Variants in ALX4 observed in about 807,000 individuals in gnomAD.
ALX4 encodes the protein homeobox protein aristaless-like 4.
Under a neutral mutation model 40.6 loss-of-function variants are expected in ALX4, and 22 were observed. The ratio of observed to expected loss-of-function variants is 0.54; its 90% confidence interval spans 0.39 to 0.77. The LOEUF (loss-of-function observed/expected upper bound fraction) is 0.77, where lower values mean the gene tolerates loss of function less well. Among genes scored for constraint, ALX4 ranks in the 30% least tolerant of loss-of-function variants. ALX4 has a pLI of 0.00. For synonymous variants in ALX4, 266 were observed against 240.5 expected (o/e 1.11, Z -0.98); for missense variants, 556 against 564.8 (o/e 0.98, Z 0.16).
At chr11:44,274,490 T>C (rs1290661755) in intron 2 of ALX4, among the ~76,000 whole-genome samples, 1 of 151,948 alleles carries the variant, frequency 6.6e-6, no homozygotes, top group Non-Finnish European at 1.5e-5. Flanking sequence ...TCAGGTTCCA[T>C]TGTGTTGTGT....
At chr11:44,267,391 G>C in intron 3 of ALX4, 103 bp downstream of exon 3, 2 of 1,492,398 alleles carry the variant, frequency 1.3e-6, no homozygotes, top group Middle Eastern at 2.3e-4. Flanking sequence ...GGGCAGCCTG[G>C]AGCCATAAGT....
At chr11:44,269,865 C>T (rs965074985) in intron 2 of ALX4, among the ~76,000 whole-genome samples, 3 of 152,200 alleles carry the variant, frequency 2.0e-5, no homozygotes, top group South Asian at 2.1e-4. Context: ...TCCGTCTTTC[C>T]GCTCCTTCCT....
chr11:44,283,310 GA>G (rs536437837), intron 1 of ALX4, among the ~76,000 whole-genome samples: 42 of 148,342 alleles, frequency 2.8e-4, no homozygotes, highest in African/African-American at 9.9e-4. Context: ...TAACTAAAAA[GA>G]AAATACAAAA....
At chr11:44,304,289 G>C (rs382987) in intron 1 of ALX4, among the ~76,000 whole-genome samples, 1 of 152,228 alleles carries the variant, frequency 6.6e-6, no homozygotes, top group African/African-American at 2.4e-5. Context: ...GGTGCAGGAC[G>C]GCGCTCTTAC....
intron 1 of ALX4, among the ~76,000 whole-genome samples, chr11:44,285,925 G>A (rs920951614): frequency 6.6e-6 from 1 of 152,164 alleles, no homozygotes; most frequent in Non-Finnish European, 1.5e-5. Context: ...CCTGGGCCTC[G>A]TGTGAGTAAG....
intron 1 of ALX4, among the ~76,000 whole-genome samples, chr11:44,288,688 C>T (rs2119845183): frequency 6.6e-6 from 1 of 152,304 alleles, no homozygotes; most frequent in Non-Finnish European, 1.5e-5. Context: ...CACTGTGACC[C>T]AATTAGAACA....
chr11:44,300,359 G>A (rs1956428026), intron 1 of ALX4, among the ~76,000 whole-genome samples: 1 of 152,182 alleles, frequency 6.6e-6, no homozygotes, highest in Non-Finnish European at 1.5e-5. Context: ...ATTTGAAAGT[G>A]AGCTCCCTCC....
intron 2 of ALX4, among the ~76,000 whole-genome samples, chr11:44,273,671 G>A (rs550152141): frequency 6.6e-6 from 1 of 152,296 alleles, no homozygotes; most frequent in East Asian, 1.9e-4. Flanking sequence ...CAAAATAGGA[G>A]TTGGGCACAG....
chr11:44,273,190 T>A (rs1956259154), intron 2 of ALX4, among the ~76,000 whole-genome samples: 3 of 137,600 alleles, frequency 2.2e-5, no homozygotes, highest in African/African-American at 8.1e-5. Flanking sequence ...CTTTGCTGAT[T>A]AAAAAAAAAA....
At chr11:44,278,538 AG>A (rs1956291136) in intron 1 of ALX4, among the ~76,000 whole-genome samples, 1 of 152,130 alleles carries the variant, frequency 6.6e-6, no homozygotes, top group East Asian at 1.9e-4. Flanking sequence ...TTGGCCTTTC[AG>A]GGGAAGTGGC....
At chr11:44,291,913 G>A (rs1314417901) in intron 1 of ALX4, among the ~76,000 whole-genome samples, 1 of 152,140 alleles carries the variant, frequency 6.6e-6, no homozygotes, top group African/African-American at 2.4e-5. Context: ...CTGCCCCCCA[G>A]GTTCAAGCCA....
At chr11:44,302,874 G>A (rs919490052) in intron 1 of ALX4, among the ~76,000 whole-genome samples, 1 of 152,184 alleles carries the variant, frequency 6.6e-6, no homozygotes, top group Non-Finnish European at 1.5e-5. Context: ...GACAAAGGGG[G>A]TGAAGGTGGG....
chr11:44,266,130 C>T (rs1165937658), intron 3 of ALX4, among the ~76,000 whole-genome samples: 3 of 152,106 alleles, frequency 2.0e-5, no homozygotes, highest in East Asian at 1.9e-4. Context: ...TGGAGGGAAC[C>T]GCATTTCTCT....
chr11:44,275,270 AG>A, intron 2 of ALX4, 77 bp downstream of exon 2: 1 of 1,466,160 alleles, frequency 6.8e-7, no homozygotes. Flanking sequence ...GTGGGCAGTC[AG>A]GAGACCCCAA....
Position 44,309,759 on chromosome 11 carries a change from G to T in ALX4, c.304C>A (p.Pro102Thr). 1 of 1,547,030 alleles carries T rather than the reference G, an allele frequency of 6.5e-7. No individual in the cohort carries two copies. Among genetic ancestry groups the T allele is most frequent in the Non-Finnish European group, 8.7e-7 (1 of 1,146,302 alleles). Reference protein sequence around the residue: ...PQPSTPQPQPPPQPQPQQQQP... With the variant: ...PQPSTPQPQPTPQPQPQQQQP... ...TGCTGCTGCGGCTGCGGCTGCGGCG[G>T]CGGCTGGGGCTGCGGGGTCGACGGC... The change falls in exon 1 of 4, where the codon CCG becomes ACG. Residue 102 changes from proline (P) to threonine (T), a missense_variant. By Grantham distance (38) the Pro-to-Thr change is conservative. Coordinates refer to ENST00000652299, the MANE Select transcript of ALX4 (RefSeq NM_021926.4).
intron 1 of ALX4, among the ~76,000 whole-genome samples, chr11:44,277,525 G>A (rs945022643): frequency 4.6e-5 from 7 of 152,210 alleles, no homozygotes; most frequent in Non-Finnish European, 1.0e-4. Context: ...TGGTAGGTGT[G>A]AGCATCAGCC....
intron 2 of ALX4, among the ~76,000 whole-genome samples, chr11:44,273,858 C>T (rs758548450): frequency 1.8e-4 from 28 of 152,178 alleles, no homozygotes; most frequent in East Asian, 1.5e-3. Flanking sequence ...GAAACTGAGG[C>T]GGGAGGATCC....
At chr11:44,307,338 A>G (rs1956475293) in intron 1 of ALX4, among the ~76,000 whole-genome samples, 1 of 152,230 alleles carries the variant, frequency 6.6e-6, no homozygotes, top group South Asian at 2.1e-4. Context: ...GGTTAGGGGC[A>G]GTAGCGGGTC....
intron 1 of ALX4, among the ~76,000 whole-genome samples, chr11:44,309,324 C>A (rs539460715): frequency 4.6e-5 from 7 of 152,336 alleles, no homozygotes; most frequent in African/African-American, 1.7e-4. Flanking sequence ...CAGCGCAAAG[C>A]GAGCGGTTTG....
Sources: gnomAD v4.1 joint callset for allele counts (sites outside exome capture counted in the v4.1 genomes callset) on GRCh38, gnomAD v4.1.1 for gene constraint, MANE v1.5 for transcripts, NCBI Gene and HGNC (gene_info 2026-07-23, HGNC 2026-07-21) for gene names.